FGF1: variants seen among roughly 807,000 people sequenced by gnomAD.
FGF1 encodes the protein beta-endothelial cell growth factor.
FGF1 carries 9 observed loss-of-function variants against 13.4 expected under a neutral mutation model. The ratio of observed to expected loss-of-function variants is 0.67; its 90% confidence interval spans 0.40 to 1.17. FGF1 has a LOEUF of 1.17. Among genes scored for constraint, FGF1 ranks in the 50% most tolerant of loss-of-function variants. The pLI is 0.01. For missense variants in FGF1, 156 were observed against 192.7 expected (o/e 0.81, Z 1.13); for synonymous variants, 93 against 79.0 (o/e 1.18, Z -0.94).
In FGF1 at chr5:142,605,562, C is replaced by A. The variant is rs367668617; in HGVS notation, c.170-4757G>T. Among the ~76,000 whole-genome samples the A allele has an allele frequency of 9.9e-5, 15 of 152,278 alleles. 1 individual carries two copies. Among genetic ancestry groups the A allele is most frequent in the Admixed American group, 8.5e-4 (13 of 15,290 alleles). On this transcript the variant is annotated intron_variant, in intron 2 of 3. Coordinates refer to ENST00000337706, the MANE Select transcript of FGF1 (RefSeq NM_000800.5). ...GAGTTCCATCATGGCCATGAAGAGG[C>A]CTCATAGAGGTAAACAAGAGCCAGA... is the stretch of plus-strand genomic sequence containing the variant.
At chr5:142,695,586 AG>A (rs1282663310) in intron 2 of FGF1, among the ~76,000 whole-genome samples, 25 of 140,972 alleles carry the variant, frequency 1.8e-4, no homozygotes, top group African/African-American at 6.3e-4. Context: ...TGTATCAAAA[AG>A]AAAAAAAAAA....
At chr5:142,625,860 C>A (rs1597195781) in intron 1 of FGF1, among the ~76,000 whole-genome samples, 1 of 152,220 alleles carries the variant, frequency 6.6e-6, no homozygotes, top group East Asian at 1.9e-4. Flanking sequence ...AGCCAACATT[C>A]CAGCTTATAG....
chr5:142,595,864 T>C (rs1045073864), intron 3 of FGF1, among the ~76,000 whole-genome samples: 3 of 152,224 alleles, frequency 2.0e-5, no homozygotes, highest in African/African-American at 7.2e-5. Flanking sequence ...CTTTCATCTC[T>C]GTAGTGGCCT....
chr5:142,606,992 T>C (rs1397908057), intron 2 of FGF1, among the ~76,000 whole-genome samples: 1 of 152,216 alleles, frequency 6.6e-6, no homozygotes, highest in African/African-American at 2.4e-5. Context: ...TGCTATGATC[T>C]CCCCTGATTC....
chr5:142,604,117 A>G (rs1036598953), intron 2 of FGF1, among the ~76,000 whole-genome samples: 1 of 152,158 alleles, frequency 6.6e-6, no homozygotes, highest in African/African-American at 2.4e-5. Context: ...GTGGGTGGAG[A>G]TGGGGGAATT....
At chr5:142,611,333 C>T (rs984984387) in intron 2 of FGF1, among the ~76,000 whole-genome samples, 7 of 152,174 alleles carry the variant, frequency 4.6e-5, no homozygotes, top group African/African-American at 1.7e-4. Context: ...ATAGAAGTTT[C>T]GCCCTTGTGA....
At chr5:142,693,858 C>T (rs1449425173) in intron 2 of FGF1, among the ~76,000 whole-genome samples, 1 of 152,078 alleles carries the variant, frequency 6.6e-6, no homozygotes, top group Non-Finnish European at 1.5e-5. Context: ...CATTTCTTTC[C>T]TTTTTATTGC....
chr5:142,634,124 C>A (rs1477474557), intron 1 of FGF1, among the ~76,000 whole-genome samples: 1 of 144,538 alleles, frequency 6.9e-6, no homozygotes, highest in Admixed American at 7.2e-5. Context: ...ATCCGGGAGG[C>A]GGAGCTTGCA....
Position 142,630,109 on chromosome 5 carries a change from G to A in FGF1, c.-34-15948C>T, listed in dbSNP as rs184978064. The stretch of plus-strand genomic sequence containing the variant: ...GGGTCTCACCATGTTAGCCAGGATG[G>A]TCTCGATCTCCTGATCTCGTGATCT... On this transcript the variant is annotated intron_variant, in intron 1 of 3. Coordinates refer to ENST00000337706, the MANE Select transcript of FGF1 (RefSeq NM_000800.5). Among the ~76,000 whole-genome samples the A allele has an allele frequency of 3.8e-3, 579 of 152,038 alleles. 4 individuals carry two copies. The highest frequency in any genetic ancestry group is 5.8e-3 in the South Asian group (28 of 4,810).
intron 1 of FGF1, among the ~76,000 whole-genome samples, chr5:142,645,938 T>G (rs1406066578): frequency 6.6e-6 from 1 of 152,220 alleles, no homozygotes; most frequent in Non-Finnish European, 1.5e-5. Flanking sequence ...AGACGGAGTC[T>G]TGCTTTGTCG....
intron 1 of FGF1, among the ~76,000 whole-genome samples, chr5:142,667,312 C>G (rs548079145): frequency 6.7e-6 from 1 of 150,110 alleles, no homozygotes; most frequent in African/African-American, 2.5e-5. Flanking sequence ...ACAGGCCGGG[C>G]GCGGTGGCTC....
At chr5:142,617,003 C>A (rs938345147) in intron 1 of FGF1, among the ~76,000 whole-genome samples, 1 of 152,194 alleles carries the variant, frequency 6.6e-6, no homozygotes, top group Admixed American at 6.5e-5. Flanking sequence ...TTTTGTTTCT[C>A]CTTGTCTCTG....
At chr5:142,625,990 G>A (rs1044570461) in intron 1 of FGF1, among the ~76,000 whole-genome samples, 9 of 152,158 alleles carry the variant, frequency 5.9e-5, no homozygotes, top group Non-Finnish European at 1.3e-4. Context: ...CTGAGGGCTT[G>A]CCCTACCATT....
At chr5:142,661,628 A>G (rs1477421656) in intron 1 of FGF1, among the ~76,000 whole-genome samples, 1 of 152,196 alleles carries the variant, frequency 6.6e-6, no homozygotes, top group Non-Finnish European at 1.5e-5. Context: ...AAAACATTCA[A>G]CCATAAAAAG....
At chr5:142,612,499 C>T (rs1223943218) in intron 2 of FGF1, among the ~76,000 whole-genome samples, 6 of 152,136 alleles carry the variant, frequency 3.9e-5, no homozygotes, top group Admixed American at 6.6e-5. Flanking sequence ...AAAGCTTGTT[C>T]GTGTTGTGTG....
Position 142,595,486 on chromosome 5 carries a change from T to TA in FGF1, c.274-3dup. On this transcript the variant is annotated splice_polypyrimidine_tract_variant and splice_region_variant and intron_variant, in intron 3 of 3. Coordinates refer to ENST00000337706, the MANE Select transcript of FGF1 (RefSeq NM_000800.5). ...CAAACATTCCTCATTTGGTGTCTGC[T>TA]AAAAAGATAAAACCAAAAGAGAGTA... 1 of 1,611,652 alleles carries TA rather than the reference T, an allele frequency of 6.2e-7. No homozygotes were observed.
intron 1 of FGF1, among the ~76,000 whole-genome samples, chr5:142,677,302 G>A (rs1772803240): frequency 2.0e-5 from 3 of 152,206 alleles, no homozygotes; most frequent in African/African-American, 7.2e-5. Context: ...GCAGAGATGA[G>A]CTACATTGTC....
chr5:142,668,661 G>A (rs1254036839), intron 1 of FGF1, among the ~76,000 whole-genome samples: 3 of 152,168 alleles, frequency 2.0e-5, no homozygotes, highest in African/African-American at 7.2e-5. Flanking sequence ...CCTACCTCAC[G>A]TGTTTGTCAA....
At chr5:142,677,842 G>A (rs1234020650) in intron 1 of FGF1, among the ~76,000 whole-genome samples, 5 of 152,214 alleles carry the variant, frequency 3.3e-5, no homozygotes, top group Admixed American at 2.6e-4. Context: ...TTCTAAGGGA[G>A]AGAATGGGTA....
Sources: gnomAD v4.1 joint callset for allele counts (sites outside exome capture counted in the v4.1 genomes callset) on GRCh38, gnomAD v4.1.1 for gene constraint, MANE v1.5 for transcripts, NCBI Gene and HGNC (gene_info 2026-07-23, HGNC 2026-07-21) for gene names.